Variants in PNLIPRP3 observed in about 807,000 individuals in gnomAD.
PNLIPRP3 encodes the protein pancreatic lipase-related protein 3.
PNLIPRP3 carries 58 observed loss-of-function variants against 52.8 expected under a neutral mutation model. That is an observed-to-expected ratio of 1.10 (90% confidence interval 0.89 to 1.37). The LOEUF (loss-of-function observed/expected upper bound fraction) is 1.37, where lower values mean the gene tolerates loss of function less well. Among genes scored for constraint, PNLIPRP3 ranks in the 40% most tolerant of loss-of-function variants. The pLI, the probability that PNLIPRP3 is intolerant of heterozygous loss-of-function variation, is 0.00. For synonymous variants in PNLIPRP3, 192 were observed against 185.0 expected, an observed-to-expected ratio of 1.04 and a Z score of -0.31; for missense variants, 593 against 561.6, an observed-to-expected ratio of 1.06 and a Z score of -0.57.
chr10:116,446,606 G>A (rs769973642), intron 4 of PNLIPRP3, among the ~76,000 whole-genome samples: 1 of 152,122 alleles, frequency 6.6e-6, no homozygotes, highest in South Asian at 2.1e-4. Context: ...AACTAAAAAT[G>A]CTTGCTCAGG....
chr10:116,471,978 C>A, intron 10 of PNLIPRP3, 99 bp downstream of exon 10: 1 of 664,204 alleles, frequency 1.5e-6, no homozygotes, highest in Non-Finnish European at 2.6e-6. Flanking sequence ...TCTTTTCCTA[C>A]AATTCCACAG....
At chr10:116,476,143 A>C (rs1385430925) in intron 10 of PNLIPRP3, among the ~76,000 whole-genome samples, 6 of 152,170 alleles carry the variant, frequency 3.9e-5, no homozygotes, top group South Asian at 2.1e-4. Context: ...GATCAACAAA[A>C]TGTCTTTTGA....
chr10:116,459,265 A>G (rs1177182888), intron 5 of PNLIPRP3, among the ~76,000 whole-genome samples: 1 of 148,980 alleles, frequency 6.7e-6, no homozygotes, highest in South Asian at 2.1e-4. Context: ...TTTAGTGATT[A>G]TATTAGTCAG....
At chr10:116,443,767 G>A (rs1442099762) in intron 3 of PNLIPRP3, among the ~76,000 whole-genome samples, 2 of 53,810 alleles carry the variant, frequency 3.7e-5, no homozygotes, top group African/African-American at 4.8e-5. Context: ...GTGTGTGTAT[G>A]TGTGTGTGTG....
In PNLIPRP3 at chr10:116,477,224, C is replaced by T; in HGVS notation, c.*71C>T. The T allele has an allele frequency of 7.6e-7, 1 of 1,308,286 alleles. No individual in the cohort carries two copies. The highest frequency in any genetic ancestry group is 1.3e-5 in the South Asian group (1 of 79,662). 81.0% of individuals were successfully genotyped at this position (1,308,286 alleles called of 1,614,324 possible). A position where few individuals can be genotyped will look rare whatever the true frequency, so the allele number is the denominator to read the frequency against. On this transcript the variant is annotated 3_prime_UTR_variant, in exon 12 of 12. Transcript: ENST00000369230. ...AAAAGTGTCTCCTTCCACCTGGCAT[C>T]CAGACCAAATTTGACCCTTGTAAAT...
intron 4 of PNLIPRP3, among the ~76,000 whole-genome samples, chr10:116,452,565 G>T (rs965402113): frequency 2.0e-5 from 3 of 152,160 alleles, no homozygotes; most frequent in African/African-American, 7.2e-5. Context: ...GGAAAGAATG[G>T]TTTCAGAACC....
At chr10:116,470,496 A>AATAT (rs1397695719) in intron 9 of PNLIPRP3, among the ~76,000 whole-genome samples, 3 of 139,652 alleles carry the variant, frequency 2.1e-5, no homozygotes, top group African/African-American at 8.0e-5. Flanking sequence ...CACCACAGCA[A>AATAT]ATATATATAT....
intron 5 of PNLIPRP3, among the ~76,000 whole-genome samples, chr10:116,459,010 A>T (rs1298788447): frequency 6.6e-6 from 1 of 151,368 alleles, no homozygotes; most frequent in Non-Finnish European, 1.5e-5. Context: ...AGACATTTTG[A>T]CTCTGTGTTT....
intron 5 of PNLIPRP3, among the ~76,000 whole-genome samples, chr10:116,456,153 C>T (rs772392339): frequency 2.0e-5 from 3 of 151,882 alleles, no homozygotes; most frequent in Middle Eastern, 3.2e-3. Context: ...TTTACCTAGA[C>T]GTAGGAGTAG....
intron 2 of PNLIPRP3, 55 bp from the exon 3 acceptor site, chr10:116,443,000 C>CTATTAAATA: frequency 7.3e-7 from 1 of 1,368,594 alleles, no homozygotes; most frequent in South Asian, 1.6e-5. Context: ...GGTCTACTAA[C>CTATTAAATA]TATTAAATAA....
intron 2 of PNLIPRP3, chr10:116,439,637 C>A (rs547588925): frequency 2.6e-6 from 2 of 762,594 alleles, no homozygotes; most frequent in Non-Finnish European, 4.8e-6. Flanking sequence ...GCTGCTTTTT[C>A]GCTGCCATTT....
chr10:116,472,511 C>T lies in PNLIPRP3; in HGVS notation c.1172+632C>T, dbSNP rs78786268. Among the ~76,000 whole-genome samples the T allele has an allele frequency of 2.6e-5, 4 of 152,278 alleles. No individual in the cohort carries two copies. The East Asian group carries it at 7.7e-4, about 29-fold the overall frequency. On this transcript the variant is annotated intron_variant, in intron 10 of 11. Transcript: ENST00000369230. ...TACTAATTAGATGCAACCTTTTCTG[C>T]AAACAGATGAATGTATTAGGTGTTT...
At chr10:116,428,136 C>A in intron 1 of PNLIPRP3, 75 bp downstream of exon 1, 1 of 1,079,926 alleles carries the variant, frequency 9.3e-7, no homozygotes, top group Non-Finnish European at 1.4e-6. Flanking sequence ...TTGACATGAA[C>A]TTATTCTTTA....
At chr10:116,464,458 T>C (rs1846246482) in intron 7 of PNLIPRP3, among the ~76,000 whole-genome samples, 1 of 152,190 alleles carries the variant, frequency 6.6e-6, no homozygotes, top group African/African-American at 2.4e-5. Context: ...CCACTTGGCC[T>C]GGCAGCCTGT....
At chr10:116,434,265 G>T in intron 1 of PNLIPRP3, among the ~76,000 whole-genome samples, 1 of 151,658 alleles carries the variant, frequency 6.6e-6, no homozygotes, top group African/African-American at 2.4e-5. Context: ...AAAACCACTG[G>T]GATTCACCAT....
chr10:116,444,527 AT>A lies in PNLIPRP3; in HGVS notation c.456+23del, dbSNP rs5788162. 0.033 allele frequency: 52,652 copies of A among 1,595,550 alleles called. 1,524 individuals carry two copies. The highest frequency in any genetic ancestry group is 0.13 in the Admixed American group (7,661 of 57,516). ...GATGTTCTCATGGTAAGAAGAGTTG[AT>A]TTTTTTTTAATTATATTGAATTGGT... On this transcript the variant is annotated intron_variant, in intron 4 of 11. Transcript: ENST00000369230.
At chr10:116,435,493 G>A (rs1220749335) in intron 1 of PNLIPRP3, among the ~76,000 whole-genome samples, 3 of 151,104 alleles carry the variant, frequency 2.0e-5, no homozygotes, top group Admixed American at 1.3e-4. Context: ...TGTATTGACC[G>A]CATTGGAGGA....
rs1401497556 is a variant in PNLIPRP3 at position 116,443,154 on chromosome 10, T to C, written c.304T>C (p.Trp102Arg). 1 of 1,610,832 alleles carries C rather than the reference T, an allele frequency of 6.2e-7. No homozygotes were observed. Among genetic ancestry groups the C allele is most frequent in the Non-Finnish European group, 8.5e-7 (1 of 1,178,132 alleles). Residue 102 changes from tryptophan (W) to arginine (R), a missense_variant, in exon 3 of 12, where the codon TGG (tryptophan) becomes CGG (arginine). By Grantham distance (101) the Trp-to-Arg change is moderately radical. Transcript: ENST00000369230. ...NIAGWKTDGK[W>R]QRDMCNVLLQ... ...AGCTGGATGGAAAACAGATGGCAAA[T>C]GGCAGAGAGACATGTGCAATGTATG...
intron 8 of PNLIPRP3, among the ~76,000 whole-genome samples, chr10:116,467,813 G>A (rs1379707076): frequency 1.3e-5 from 2 of 151,958 alleles, no homozygotes; most frequent in Admixed American, 1.3e-4. Context: ...AGTTTTTATT[G>A]TTTCCAGTTT....
Sources: gnomAD v4.1 joint callset for allele counts (sites outside exome capture counted in the v4.1 genomes callset) on GRCh38, gnomAD v4.1.1 for gene constraint, MANE v1.5 for transcripts, NCBI Gene and HGNC (gene_info 2026-07-23, HGNC 2026-07-21) for gene names.